NEK10: variants seen among roughly 807,000 people sequenced by gnomAD.
The protein encoded by NEK10 is serine/threonine-protein kinase Nek10.
In NEK10, 122 loss-of-function variants were observed where a neutral mutation model predicts 159.8. The ratio of observed to expected loss-of-function variants is 0.76; its 90% CI spans 0.66 to 0.89. The LOEUF (loss-of-function observed/expected upper bound fraction) is 0.89. Among genes scored for constraint, NEK10 ranks in the 40% least tolerant of loss-of-function variants. NEK10 has a pLI of 0.00. For missense variants in NEK10, 1,342 were observed against 1,323.1 expected (o/e 1.01, Z -0.22); for synonymous variants, 466 against 457.1 (o/e 1.02, Z -0.25).
intron 25 of NEK10, among the ~76,000 whole-genome samples, chr3:27,192,599 A>G (rs1315699666): frequency 1.5e-4 from 13 of 86,778 alleles, no homozygotes; most frequent in East Asian, 1.4e-3. Flanking sequence ...GCAGGTGGAA[A>G]AAAAAAAAAA....
intron 23 of NEK10, among the ~76,000 whole-genome samples, chr3:27,230,759 T>C (rs1953160580): frequency 6.6e-6 from 1 of 151,856 alleles, no homozygotes; most frequent in African/African-American, 2.4e-5. Context: ...GCAACAATAG[T>C]AAGAAAAGGC....
At chr3:27,308,260 G>A (rs2044399798) in intron 10 of NEK10, among the ~76,000 whole-genome samples, 1 of 152,164 alleles carries the variant, frequency 6.6e-6, no homozygotes, top group Non-Finnish European at 1.5e-5. Context: ...ACAGCATGGA[G>A]GAAATGGCCC....
intron 22 of NEK10, among the ~76,000 whole-genome samples, chr3:27,265,024 A>T (rs1351587718): frequency 6.6e-6 from 1 of 152,324 alleles, no homozygotes; most frequent in Admixed American, 6.5e-5. Flanking sequence ...ATGTGCAAAA[A>T]GCGTCAGCAA....
chr3:27,130,999 G>A (rs1489051222), intron 32 of NEK10, among the ~76,000 whole-genome samples: 1 of 152,116 alleles, frequency 6.6e-6, no homozygotes, highest in African/African-American at 2.4e-5. Context: ...AAACAACAAA[G>A]CTAAAGAATG....
At chr3:27,214,815 T>G (rs1951343283) in intron 23 of NEK10, 1 of 1,075,908 alleles carries the variant, frequency 9.3e-7, no homozygotes, top group Non-Finnish European at 1.4e-6. Context: ...TTTGACATAT[T>G]TTCCGTGTAG....
chr3:27,168,322 G>A (rs1946662912), intron 29 of NEK10, among the ~76,000 whole-genome samples: 1 of 150,656 alleles, frequency 6.6e-6, no homozygotes, highest in Non-Finnish European at 1.5e-5. Context: ...ATTCTATTAT[G>A]TAGCTTTGCT....
At chr3:27,125,820 G>T (rs549081802) in intron 32 of NEK10, among the ~76,000 whole-genome samples, 18 of 152,248 alleles carry the variant, frequency 1.2e-4, no homozygotes, top group African/African-American at 4.3e-4. Context: ...CAAGGATTGT[G>T]TTCCTAACAG....
At chr3:27,206,630 AACTC>A in intron 23 of NEK10, 4 of 985,336 alleles carry the variant, frequency 4.1e-6, no homozygotes, top group Non-Finnish European at 4.8e-6. Flanking sequence ...ATATGCTGGT[AACTC>A]GCAGACCTAA....
chr3:27,186,628 T>C (rs1046519697), intron 26 of NEK10, among the ~76,000 whole-genome samples: 1 of 152,174 alleles, frequency 6.6e-6, no homozygotes, highest in Non-Finnish European at 1.5e-5. Context: ...TTCATGATCA[T>C]CATAACACTA....
At chr3:27,319,037 G>A (rs2045425957) in intron 6 of NEK10, among the ~76,000 whole-genome samples, 1 of 152,202 alleles carries the variant, frequency 6.6e-6, no homozygotes, top group African/African-American at 2.4e-5. Flanking sequence ...TACAGGCAAA[G>A]AGAAAACGTG....
intron 9 of NEK10, chr3:27,310,457 C>G (rs2044602206): frequency 6.6e-6 from 1 of 152,270 alleles, no homozygotes; most frequent in South Asian, 2.1e-4. Flanking sequence ...TGAAACTCAA[C>G]AGGTTTCTGA....
At chr3:27,238,974 G>A (rs1954268598) in intron 23 of NEK10, among the ~76,000 whole-genome samples, 1 of 152,048 alleles carries the variant, frequency 6.6e-6, no homozygotes, top group Non-Finnish European at 1.5e-5. Context: ...CCCACAACTA[G>A]TCTGATTGGT....
intron 29 of NEK10, among the ~76,000 whole-genome samples, chr3:27,163,702 C>T (rs1946232407): frequency 6.6e-6 from 1 of 152,000 alleles, no homozygotes; most frequent in Non-Finnish European, 1.5e-5. Flanking sequence ...AACATCTGTG[C>T]CCTGACAAGT....
chr3:27,322,213 G>A lies in NEK10; in HGVS notation c.411C>T (p.Ile137=), dbSNP rs772343686. The A allele has an allele frequency of 2.7e-5, 43 of 1,567,940 alleles. No homozygotes were observed. Among genetic ancestry groups the A allele is most frequent in the Non-Finnish European group, 3.7e-5 (43 of 1,152,894 alleles). ...GATCCCTCATTAGTAGCCTCAGACA[G>A]ATTAACACTCTCAGAAAATGAATAG... ...APSIHFLRVL[I]CLRLLMRDPC... The change falls in exon 6 of 36, where the codon ATC becomes ATT. Residue 137 remains isoleucine (I), a synonymous_variant. Coordinates refer to ENST00000691995, the MANE Select transcript of NEK10 (RefSeq NM_001394966.1).
chr3:27,217,675 C>T (rs1951669244), intron 23 of NEK10, among the ~76,000 whole-genome samples: 1 of 152,096 alleles, frequency 6.6e-6, no homozygotes, highest in Non-Finnish European at 1.5e-5. Context: ...TGCTACAAAA[C>T]CCAGGCAAGT....
intron 23 of NEK10, among the ~76,000 whole-genome samples, chr3:27,219,859 T>C (rs934712405): frequency 6.6e-6 from 1 of 152,192 alleles, no homozygotes; most frequent in African/African-American, 2.4e-5. Flanking sequence ...ACAGCTAATA[T>C]ATGAGTTCAG....
intron 32 of NEK10, among the ~76,000 whole-genome samples, chr3:27,125,423 T>C (rs1286654286): frequency 1.3e-5 from 2 of 152,034 alleles, no homozygotes; most frequent in Non-Finnish European, 1.5e-5. Flanking sequence ...GTGCCAGAAG[T>C]GAGAAAATTT....
In NEK10 at chr3:27,205,730, C is replaced by T. The variant is rs1311846357; in HGVS notation, c.2091-3173G>A. On this transcript the variant is annotated intron_variant, in intron 23 of 35. Coordinates refer to ENST00000691995, the MANE Select transcript of NEK10 (RefSeq NM_001394966.1). The stretch of plus-strand genomic sequence containing the variant: ...ATTCAAGATGGATTAAAGATTTAAA[C>T]GTTAGACCTAAAACCATAAAAACCC... 4.6e-5 allele frequency among the ~76,000 whole-genome samples: 6 copies of T among 130,376 alleles called. No individual in the cohort carries two copies. The South Asian group carries it at 1.1e-3, about 23-fold the overall frequency. The allele number at this position is 130,376 out of a possible 152,430, so 85.5% of individuals were successfully genotyped here.
At chr3:27,287,095 A>C (rs1303893493) in intron 20 of NEK10, among the ~76,000 whole-genome samples, 1 of 151,254 alleles carries the variant, frequency 6.6e-6, no homozygotes, top group African/African-American at 2.4e-5. Context: ...ATATCATTAA[A>C]GCTTAGCAAT....
Sources: allele counts gnomAD v4.1 joint callset (sites outside exome capture counted in the v4.1 genomes callset), GRCh38; gene constraint gnomAD v4.1.1; transcripts MANE v1.5; gene names NCBI Gene and HGNC (gene_info 2026-07-23, HGNC 2026-07-21).